The following TWIST2 variants were observed in gnomAD, a reference collection of about 807,000 sequenced individuals.
TWIST2 encodes the protein twist family bHLH transcription factor 2.
A neutral mutation model predicts 11.6 loss-of-function variants in TWIST2; 1 was observed. That is an observed-to-expected ratio of 0.09 (90% CI 0.03 to 0.41). TWIST2 has a LOEUF of 0.41. Ranked by LOEUF, TWIST2 falls within the 10% of genes least tolerant of loss-of-function variation. The probability of loss-of-function intolerance (pLI) is 0.98; values close to 1 mark genes in which losing one functional copy is unlikely to be tolerated. For missense variants in TWIST2, 168 were observed against 226.4 expected, an observed-to-expected ratio of 0.74 and a Z score of 1.66; for synonymous variants, 87 against 96.6, an observed-to-expected ratio of 0.90 and a Z score of 0.58.
intron 1 of TWIST2, among the ~76,000 whole-genome samples, chr2:238,908,893 TG>T (rs1693402249): frequency 1.6e-5 from 2 of 127,318 alleles, no homozygotes; most frequent in South Asian, 5.1e-4. Flanking sequence ...TGTGTGGTGG[TG>T]TATGTAGTGT....
chr2:238,848,771 G>A, intron 1 of TWIST2, 38 bp downstream of exon 1: 2 of 1,318,932 alleles, frequency 1.5e-6, no homozygotes, highest in African/African-American at 3.1e-5. Flanking sequence ...CTCCGCTGCG[G>A]GGGGCGGGCG....
intron 1 of TWIST2, among the ~76,000 whole-genome samples, chr2:238,857,475 G>A (rs1692351982): frequency 6.6e-6 from 1 of 152,092 alleles, no homozygotes; most frequent in South Asian, 2.1e-4. Context: ...GAAAGCCTTG[G>A]CTCATCTAAA....
intron 1 of TWIST2, among the ~76,000 whole-genome samples, chr2:238,869,306 TCTCAATAAAACTTCCAGGGCACA>T (rs1692603888): frequency 6.6e-6 from 1 of 152,160 alleles, no homozygotes; most frequent in South Asian, 2.1e-4. Context: ...ATCTGGGATC[TCTCAATAAAACTTCCAGGGCACA>T]GGCAAGGAAA....
Position 238,857,220 on chromosome 2 carries a change from G to A in TWIST2, c.*35+8487G>A, listed in dbSNP as rs371537330. On this transcript the variant is annotated intron_variant, in intron 1 of 1. Transcript: ENST00000612363. The stretch of plus-strand genomic sequence containing the variant: ...GGGAGCAAGAGGAAGGACGCTGCTG[G>A]CTGTTTGCAAGTAGCTGTCCCACCA... Among the ~76,000 whole-genome samples the A allele has an allele frequency of 3.2e-4, 49 of 152,246 alleles. No homozygotes were observed. The South Asian group carries it at 4.8e-3, about 15-fold the overall frequency.
chr2:238,848,702 C>A lies in TWIST2; in HGVS notation c.*4C>A. On this transcript the variant is annotated 3_prime_UTR_variant, in exon 1 of 2. Transcript: ENST00000612363. Reference sequence around the variant, plus strand: ...GTCCATGTCCGCCTCCCACTAGCGCCGCGCCACCCACCTCCGGACCGGCGC... The same window carrying A: ...GTCCATGTCCGCCTCCCACTAGCGCAGCGCCACCCACCTCCGGACCGGCGC... 1 of 1,505,354 alleles carries A rather than the reference C, an allele frequency of 6.6e-7. No homozygotes were observed. Among genetic ancestry groups the A allele is most frequent in the African/African-American group, 1.4e-5 (1 of 72,030 alleles). The allele number at this position is 1,505,354 out of a possible 1,614,324, so 93.2% of individuals were successfully genotyped here.
chr2:238,887,966 C>T (rs75844436), intron 1 of TWIST2, among the ~76,000 whole-genome samples: 1,932 of 152,306 alleles, frequency 0.013, 73 homozygotes, highest in East Asian at 0.12. Context: ...GGCCGCCTCT[C>T]GTGTTGTCCT....
At chr2:238,903,513 TGTG>T (rs1294002057) in intron 1 of TWIST2, among the ~76,000 whole-genome samples, 4 of 137,934 alleles carry the variant, frequency 2.9e-5, no homozygotes, top group Admixed American at 7.5e-5. Flanking sequence ...GTGTGTGTGA[TGTG>T]GGGTGTGTCT....
At chr2:238,859,317 A>G (rs961509738) in intron 1 of TWIST2, among the ~76,000 whole-genome samples, 2 of 151,850 alleles carry the variant, frequency 1.3e-5, no homozygotes, top group Admixed American at 6.6e-5. Context: ...GATATTTGGG[A>G]TTTCATTTAT....
rs1692499482 is a variant in TWIST2, at chr2:238,864,632, A to G, written c.*35+15899A>G. Among the ~76,000 whole-genome samples the G allele has an allele frequency of 1.3e-5, 2 of 152,158 alleles. No individual in the cohort carries two copies. The highest frequency in any genetic ancestry group is 4.1e-4 in the South Asian group (2 of 4,830). On this transcript the variant is annotated intron_variant, in intron 1 of 1. Transcript: ENST00000612363. This position sits in a 1 kb window ranked among gnomAD's most constrained non-coding sequence, Gnocchi z 4.7. ...CAAGACCAGCAGGACAGGGGCCCAG[A>G]GGCTGGTACCCTCCGAGGTGCGGGA...
At chr2:238,888,836 A>G (rs762602713) in intron 1 of TWIST2, among the ~76,000 whole-genome samples, 1 of 152,194 alleles carries the variant, frequency 6.6e-6, no homozygotes, top group Non-Finnish European at 1.5e-5. Context: ...GTTGCAACTC[A>G]TGAAGAAGTA....
chr2:238,905,949 G>A (rs1162689257), intron 1 of TWIST2, among the ~76,000 whole-genome samples: 41 of 114,424 alleles, frequency 3.6e-4, no homozygotes, highest in South Asian at 1.2e-3. Flanking sequence ...GTGTGCGCGC[G>A]CGTGTGTACG....
At chr2:238,870,564 C>T (rs1468811045) in intron 1 of TWIST2, among the ~76,000 whole-genome samples, 2 of 126,020 alleles carry the variant, frequency 1.6e-5, no homozygotes, top group Non-Finnish European at 3.4e-5. Context: ...ACACACACCA[C>T]ACACCACACA....
intron 1 of TWIST2, among the ~76,000 whole-genome samples, chr2:238,896,874 G>A (rs1693213474): frequency 1.3e-5 from 2 of 152,186 alleles, no homozygotes; most frequent in East Asian, 1.9e-4. Context: ...GCTTCCACCC[G>A]GAGCCCACAG....
intron 1 of TWIST2, among the ~76,000 whole-genome samples, chr2:238,860,366 C>T (rs1256601137): frequency 6.6e-6 from 1 of 152,200 alleles, no homozygotes; most frequent in Admixed American, 6.5e-5. Context: ...TCCTCAGCCA[C>T]CTGTGTTTGA....
intron 1 of TWIST2, among the ~76,000 whole-genome samples, chr2:238,884,348 G>A (rs1358940261): frequency 6.6e-6 from 1 of 152,206 alleles, no homozygotes; most frequent in African/African-American, 2.4e-5. Flanking sequence ...CCAGGCCAAG[G>A]TCCCCAGACA....
At chr2:238,868,128 C>T (rs1016741674) in intron 1 of TWIST2, among the ~76,000 whole-genome samples, 2 of 152,236 alleles carry the variant, frequency 1.3e-5, no homozygotes, top group African/African-American at 2.4e-5. Flanking sequence ...TGGCATCCCT[C>T]ACACATCAGC....
intron 1 of TWIST2, among the ~76,000 whole-genome samples, chr2:238,852,461 T>G (rs1692259205): frequency 6.6e-6 from 1 of 151,990 alleles, no homozygotes; most frequent in African/African-American, 2.4e-5. Flanking sequence ...GGCAATAAAA[T>G]TCAAAGAAGA....
At position 238,875,669 on chromosome 2, in the gene TWIST2, G is replaced by A. The variant is rs149511319; in HGVS notation, c.*35+26936G>A. 5.4e-4 allele frequency among the ~76,000 whole-genome samples: 82 copies of A among 152,250 alleles called. No individual in the cohort carries two copies. In the East Asian group the frequency reaches 8.1e-3, roughly 15 times the overall value. On this transcript the variant is annotated intron_variant, in intron 1 of 1. Transcript: ENST00000612363. ...TGCCGTGAACTTCAGCTCCCTGACC[G>A]GGGTCACGGGAATGCCATAAATCAG...
intron 1 of TWIST2, among the ~76,000 whole-genome samples, chr2:238,852,645 A>C (rs1692261663): frequency 7.8e-6 from 1 of 128,074 alleles, no homozygotes; most frequent in East Asian, 2.1e-4. Context: ...AAAATTGCAT[A>C]GCACTAAACA....
Sources: gnomAD v4.1 joint callset for allele counts (sites outside exome capture counted in the v4.1 genomes callset) on GRCh38, gnomAD v4.1.1 for gene constraint, Gnocchi (gnomAD v3.1) non-coding constraint, MANE v1.5 for transcripts, NCBI Gene and HGNC (gene_info 2026-07-23, HGNC 2026-07-21) for gene names.